XIRP2: variants seen among roughly 807,000 people sequenced by gnomAD.
The protein encoded by XIRP2 is xin actin-binding repeat-containing protein 2.
In XIRP2, 236 loss-of-function variants were observed where a neutral mutation model predicts 277.0. The observed-to-expected ratio is 0.85, with a 90% confidence interval of 0.77 to 0.95. XIRP2 has a LOEUF of 0.95. Among genes scored for constraint, XIRP2 ranks in the 40% least tolerant of loss-of-function variants. XIRP2 has a pLI of 0.00. For synonymous variants in XIRP2, 1,490 were observed against 1,416.5 expected (o/e 1.05, Z -1.17); for missense variants, 4,640 against 4,157.5 (o/e 1.12, Z -3.19).
At chr2:167,014,138 C>G (rs1687759184) in intron 2 of XIRP2, among the ~76,000 whole-genome samples, 1 of 151,506 alleles carries the variant, frequency 6.6e-6, no homozygotes, top group Non-Finnish European at 1.5e-5. Context: ...TTTACCATTT[C>G]TTGTTCACTG....
intron 2 of XIRP2, among the ~76,000 whole-genome samples, chr2:167,008,488 T>C (rs1425284706): frequency 2.0e-5 from 3 of 151,580 alleles, no homozygotes. Context: ...TTATATACTA[T>C]TTACTCATGT....
intron 3 of XIRP2, among the ~76,000 whole-genome samples, chr2:167,190,026 G>A (rs190660424): frequency 5.8e-4 from 88 of 152,212 alleles, no homozygotes; most frequent in African/African-American, 2.0e-3. Flanking sequence ...GTTATTACTC[G>A]TATATTATAG....
intron 4 of XIRP2, among the ~76,000 whole-genome samples, chr2:167,215,216 G>A (rs1458340914): frequency 6.6e-6 from 1 of 152,018 alleles, no homozygotes; most frequent in Admixed American, 6.6e-5. Flanking sequence ...TTCAAAAGGG[G>A]TGCTGTACAT....
intron 2 of XIRP2, among the ~76,000 whole-genome samples, chr2:166,997,626 G>T (rs907501696): frequency 6.6e-6 from 1 of 152,060 alleles, no homozygotes; most frequent in Non-Finnish European, 1.5e-5. Context: ...GACTTGGGGG[G>T]CCTGGCACAG....
At chr2:166,982,143 C>A (rs1686886227) in intron 2 of XIRP2, among the ~76,000 whole-genome samples, 1 of 151,532 alleles carries the variant, frequency 6.6e-6, no homozygotes, top group African/African-American at 2.4e-5. Context: ...TTTTCTTTTT[C>A]TTTCGATATT....
chr2:167,233,506 C>A (rs1694815661), intron 5 of XIRP2, among the ~76,000 whole-genome samples: 1 of 151,436 alleles, frequency 6.6e-6, no homozygotes, highest in Admixed American at 6.6e-5. Context: ...CTTAAATGGG[C>A]CTGAAGTTCT....
intron 2 of XIRP2, among the ~76,000 whole-genome samples, chr2:166,972,281 T>C (rs1249217099): frequency 6.6e-6 from 1 of 152,124 alleles, no homozygotes; most frequent in Non-Finnish European, 1.5e-5. Context: ...TGTTTGTTGT[T>C]TAGCCACCCA....
intron 2 of XIRP2, among the ~76,000 whole-genome samples, chr2:167,095,953 A>G (rs1469402149): frequency 1.5e-5 from 2 of 136,910 alleles, no homozygotes; most frequent in African/African-American, 5.4e-5. Context: ...GGCTCACTGC[A>G]AGCTGTGCCT....
At chr2:167,056,207 G>A (rs1689032223) in intron 2 of XIRP2, among the ~76,000 whole-genome samples, 1 of 152,066 alleles carries the variant, frequency 6.6e-6, no homozygotes, top group Non-Finnish European at 1.5e-5. Context: ...ATTTATTTCT[G>A]GGCAGGGACT....
In XIRP2 at chr2:166,942,038, A is replaced by G. The variant is rs561826741; in HGVS notation, c.408+38148A>G. Among the ~76,000 whole-genome samples, 32 of 152,320 alleles carry G rather than the reference A, an allele frequency of 2.1e-4. No homozygotes were observed. In the South Asian group the frequency reaches 5.6e-3, roughly 27 times the overall value. On this transcript the variant is annotated intron_variant, in intron 2 of 10. Transcript: ENST00000409195. ...TTATTCTGCCATTTTCCAGAATAAT[A>G]TATTCATTCTACTCAATAGTCAGTA...
intron 3 of XIRP2, among the ~76,000 whole-genome samples, chr2:167,180,398 T>G (rs996958503): frequency 6.6e-6 from 1 of 152,196 alleles, no homozygotes; most frequent in African/African-American, 2.4e-5. Context: ...ATTTTGCTCC[T>G]GTGTTATGGA....
At chr2:166,985,963 T>C (rs1686993915) in intron 2 of XIRP2, among the ~76,000 whole-genome samples, 1 of 152,152 alleles carries the variant, frequency 6.6e-6, no homozygotes, top group African/African-American at 2.4e-5. Context: ...TGGTCTAAAT[T>C]GAGAGAAGCA....
At chr2:167,132,695 C>T (rs76392976) in intron 2 of XIRP2, among the ~76,000 whole-genome samples, 5,810 of 152,298 alleles carry the variant, frequency 0.038, 124 homozygotes, top group Non-Finnish European at 0.05. Context: ...CTACTCTATC[C>T]TCTGTCCTCC....
In XIRP2 at chr2:167,032,444, CAT is replaced by C. The variant is rs540737906; in HGVS notation, c.409-103462_409-103461del. On this transcript the variant is annotated intron_variant, in intron 2 of 10. Coordinates refer to ENST00000409195, the MANE Select transcript of XIRP2 (RefSeq NM_152381.6). Reference sequence around the variant, plus strand: ...CAACTGCAGAAAAAGCCAAAATTGACATATTGGATGTAATTAAACTAAAGAGC... The same window carrying C: ...CAACTGCAGAAAAAGCCAAAATTGACATTGGATGTAATTAAACTAAAGAGC... Among the ~76,000 whole-genome samples the C allele has an allele frequency of 3.2e-3, 493 of 152,258 alleles. 4 individuals carry two copies. Among genetic ancestry groups the C allele is most frequent in the African/African-American group, 0.011 (467 of 41,570 alleles).
chr2:166,934,849 A>C (rs565373907), intron 2 of XIRP2, among the ~76,000 whole-genome samples: 57 of 131,892 alleles, frequency 4.3e-4, no homozygotes, highest in Non-Finnish European at 8.0e-4. Flanking sequence ...TCTACTAAAA[A>C]TAAAAAAAAA....
intron 3 of XIRP2, among the ~76,000 whole-genome samples, chr2:167,190,926 C>G (rs1693310720): frequency 6.6e-6 from 1 of 151,928 alleles, no homozygotes; most frequent in Admixed American, 6.6e-5. Context: ...AATTTATTGG[C>G]CATGGTGGCT....
chr2:167,229,533 T>A (rs1370786062), intron 5 of XIRP2, among the ~76,000 whole-genome samples: 1 of 152,112 alleles, frequency 6.6e-6, no homozygotes, highest in Non-Finnish European at 1.5e-5. Flanking sequence ...TCCACGTAGT[T>A]ACTTTTATGA....
chr2:167,240,596 A>G (rs1695034660), intron 6 of XIRP2, 68 bp from the exon 7 acceptor site: 1 of 1,329,900 alleles, frequency 7.5e-7, no homozygotes, highest in East Asian at 2.3e-5. Flanking sequence ...AATGAAGAGT[A>G]TTATTTGTAG....
Position 167,245,265 on chromosome 2 carries a change from T to G in XIRP2, c.3873T>G (p.Ser1291=), listed in dbSNP as rs377142261. ...TFSLDEIKEE[S]DYISTKKTIT... ...CTTTAGATGAGATTAAAGAAGAATCTGACTATATCAGCACCAAGAAAACAA... is the reference window on the plus strand; with the variant it reads ...CTTTAGATGAGATTAAAGAAGAATCGGACTATATCAGCACCAAGAAAACAA... Residue 1291 remains serine (S), a synonymous_variant, in exon 9 of 11, where the codon TCT becomes TCG. Transcript: ENST00000409195. The G allele has an allele frequency of 1.2e-6, 2 of 1,613,548 alleles. No homozygotes were observed. The highest frequency in any genetic ancestry group is 1.7e-6 in the Non-Finnish European group (2 of 1,179,714).
Sources: gnomAD v4.1 joint callset for allele counts (sites outside exome capture counted in the v4.1 genomes callset) on GRCh38, gnomAD v4.1.1 for gene constraint, MANE v1.5 for transcripts, NCBI Gene and HGNC (gene_info 2026-07-23, HGNC 2026-07-21) for gene names.